CTNNA2: variants seen among roughly 807,000 people sequenced by gnomAD.
CTNNA2 encodes the protein catenin alpha 2, also known as catenin alpha-2.
A neutral mutation model predicts 101.0 loss-of-function variants in CTNNA2; 42 were observed. That is an observed-to-expected ratio of 0.42 (90% CI 0.32 to 0.54). The LOEUF (loss-of-function observed/expected upper bound fraction) is 0.54, where lower values mean the gene tolerates loss of function less well. Among genes scored for constraint, CTNNA2 ranks in the 20% least tolerant of loss-of-function variants. The pLI is 0.14. For missense variants in CTNNA2, 871 were observed against 1,223.1 expected (o/e 0.71, Z 4.29); for synonymous variants, 450 against 456.4 (o/e 0.99, Z 0.18).
chr2:79,230,077 G>A (rs942242160), intron 2 of CTNNA2, among the ~76,000 whole-genome samples: 1 of 152,224 alleles, frequency 6.6e-6, no homozygotes, highest in African/African-American at 2.4e-5. Context: ...TGGACAATGT[G>A]ATAAAAATGA....
At chr2:79,465,331 C>A (rs1008227298) in intron 4 of CTNNA2, among the ~76,000 whole-genome samples, 1 of 152,068 alleles carries the variant, frequency 6.6e-6, no homozygotes, top group Non-Finnish European at 1.5e-5. Flanking sequence ...CTGTTCTGTT[C>A]CATTGATCTC....
intron 7 of CTNNA2, among the ~76,000 whole-genome samples, chr2:80,259,738 A>G (rs1672451826): frequency 6.6e-6 from 1 of 152,246 alleles, no homozygotes; most frequent in Non-Finnish European, 1.5e-5. Context: ...AGATTAATTA[A>G]GCTATGATGT....
At chr2:80,062,702 C>A (rs1366957290) in intron 7 of CTNNA2, among the ~76,000 whole-genome samples, 1 of 117,508 alleles carries the variant, frequency 8.5e-6, no homozygotes, top group Non-Finnish European at 1.7e-5. Flanking sequence ...GCACTGTGAT[C>A]TTTTTTTTTT....
At chr2:79,798,071 C>A (rs1259215568) in intron 3 of CTNNA2, among the ~76,000 whole-genome samples, 1 of 152,162 alleles carries the variant, frequency 6.6e-6, no homozygotes, top group South Asian at 2.1e-4. Context: ...CTGCAGCATT[C>A]TCTGGGAACT....
chr2:79,202,800 T>C (rs934526820), intron 2 of CTNNA2, among the ~76,000 whole-genome samples: 9 of 152,120 alleles, frequency 5.9e-5, no homozygotes, highest in Admixed American at 2.0e-4. Context: ...GCCCAGCCAT[T>C]GTTCTCACAT....
intron 1 of CTNNA2, among the ~76,000 whole-genome samples, chr2:79,550,946 G>A (rs924107154): frequency 1.3e-5 from 2 of 152,138 alleles, no homozygotes; most frequent in Non-Finnish European, 1.5e-5. Flanking sequence ...GTTCATCACC[G>A]AAGAGTGGAG....
In CTNNA2 at chr2:80,603,242, C is replaced by T. The variant is rs149987048; in HGVS notation, c.2190-832C>T. ...TAAGGGAAAGAAAAGTTATTACATG[C>T]TATATTTTGTTTAAAGATTTATGAT... On this transcript the variant is annotated intron_variant, in intron 15 of 18. Transcript: ENST00000402739. 1.0e-3 allele frequency among the ~76,000 whole-genome samples: 158 copies of T among 152,192 alleles called. 4 individuals carry two copies. In the East Asian group the frequency reaches 0.025, roughly 24 times the overall value.
At chr2:79,909,563 ATT>A (rs1685648442) in intron 6 of CTNNA2, 29 bp from the exon 7 acceptor site, 1 of 1,553,592 alleles carries the variant, frequency 6.4e-7, no homozygotes, top group Admixed American at 1.8e-5. Context: ...TTCTCTGCTG[ATT>A]TTTGTGTGTG....
intron 1 of CTNNA2, among the ~76,000 whole-genome samples, chr2:79,607,238 A>T (rs1290642466): frequency 6.6e-6 from 1 of 152,198 alleles, no homozygotes; most frequent in African/African-American, 2.4e-5. Flanking sequence ...TATGCACCTC[A>T]TAAAAAAGCA....
intron 3 of CTNNA2, among the ~76,000 whole-genome samples, chr2:79,779,703 A>G (rs565860017): frequency 6.6e-6 from 1 of 152,266 alleles, no homozygotes; most frequent in East Asian, 1.9e-4. Flanking sequence ...TGTATTATCC[A>G]AAGGAGGAAA....
chr2:79,357,482 T>C (rs908229150), intron 3 of CTNNA2, among the ~76,000 whole-genome samples: 1 of 151,820 alleles, frequency 6.6e-6, no homozygotes, highest in East Asian at 1.9e-4. Context: ...ATAAAAGACA[T>C]ATAGGGCAAG....
intron 2 of CTNNA2, among the ~76,000 whole-genome samples, chr2:79,711,200 A>G (rs1685715820): frequency 1.3e-5 from 2 of 152,174 alleles, no homozygotes; most frequent in African/African-American, 4.8e-5. Flanking sequence ...CTCAACTGAT[A>G]TTATTTGATT....
intron 9 of CTNNA2, among the ~76,000 whole-genome samples, chr2:80,457,910 G>A (rs1366544352): frequency 1.3e-5 from 2 of 152,140 alleles, no homozygotes; most frequent in African/African-American, 2.4e-5. Flanking sequence ...CGAAAGAGAT[G>A]ATTCACTTTT....
intron 4 of CTNNA2, among the ~76,000 whole-genome samples, chr2:79,435,665 C>T (rs1040225547): frequency 3.3e-5 from 5 of 152,186 alleles, no homozygotes; most frequent in Admixed American, 2.6e-4. Flanking sequence ...TAACATGACA[C>T]TTCCACATGA....
intron 7 of CTNNA2, among the ~76,000 whole-genome samples, chr2:80,333,378 A>G (rs1269299732): frequency 1.3e-5 from 2 of 152,306 alleles, no homozygotes; most frequent in South Asian, 4.1e-4. Context: ...AGATGAATTC[A>G]ATCTGGTGTC....
At chr2:79,201,095 C>T (rs190009589) in intron 2 of CTNNA2, among the ~76,000 whole-genome samples, 359 of 152,170 alleles carry the variant, frequency 2.4e-3, no homozygotes, top group Non-Finnish European at 3.4e-3. Flanking sequence ...TTTCCCCCCC[C>T]CTTTTTTTGT....
chr2:80,071,772 C>A (rs568066257), intron 7 of CTNNA2, among the ~76,000 whole-genome samples: 1 of 152,186 alleles, frequency 6.6e-6, no homozygotes, highest in East Asian at 1.9e-4. Context: ...ATGAGCTCAT[C>A]GGCAGGGGTT....
intron 7 of CTNNA2, among the ~76,000 whole-genome samples, chr2:80,189,735 G>A (rs535609572): frequency 1.4e-5 from 2 of 146,232 alleles, no homozygotes; most frequent in African/African-American, 4.9e-5. Flanking sequence ...ACTAGACAAG[G>A]TCCTCAACCA....
chr2:80,475,191 G>C (rs1231542599), intron 9 of CTNNA2, among the ~76,000 whole-genome samples: 15 of 152,186 alleles, frequency 9.9e-5, no homozygotes, highest in Non-Finnish European at 2.2e-4. Flanking sequence ...ATAAGTACGT[G>C]TGCCAATGAT....
Sources: allele counts gnomAD v4.1 joint callset (sites outside exome capture counted in the v4.1 genomes callset), GRCh38; gene constraint gnomAD v4.1.1; transcripts MANE v1.5; gene names NCBI Gene and HGNC (gene_info 2026-07-23, HGNC 2026-07-21).